Variants in NME9 observed in about 807,000 individuals in gnomAD.
The protein encoded by NME9 is thioredoxin domain-containing protein 6.
Under a neutral mutation model 44.4 loss-of-function variants are expected in NME9, and 48 were observed. The observed-to-expected ratio is 1.08, with a 90% confidence interval of 0.86 to 1.37. The LOEUF is 1.37. NME9 is among the 40% of genes most tolerant of loss of function. NME9 has a pLI of 0.00. For synonymous variants in NME9, 139 were observed against 147.1 expected (o/e 0.94, Z 0.40); for missense variants, 325 against 405.2 (o/e 0.80, Z 1.70).
chr3:138,325,116 A>C (rs1230660744), intron 1 of NME9, among the ~76,000 whole-genome samples, 186 bp from the exon 2 acceptor site: 2 of 152,176 alleles, frequency 1.3e-5, no homozygotes, highest in Non-Finnish European at 2.9e-5. Context: ...AAAAAACACT[A>C]TCCTAAGAAT....
chr3:138,294,993 G>A (rs2051337851), intron 8 of NME9, among the ~76,000 whole-genome samples: 1 of 151,584 alleles, frequency 6.6e-6, no homozygotes, highest in Admixed American at 6.6e-5. Context: ...CCACCCACCA[G>A]GTTCAGGCCA....
chr3:138,329,147 C>T (rs909195380), intron 1 of NME9, among the ~76,000 whole-genome samples, 156 bp downstream of exon 1: 1 of 152,136 alleles, frequency 6.6e-6, no homozygotes, highest in Non-Finnish European at 1.5e-5. Context: ...AAGTTTTGTC[C>T]CTTTAAGACG....
chr3:138,323,569 CCACA>C (rs2053596271), intron 2 of NME9, among the ~76,000 whole-genome samples: 1 of 152,100 alleles, frequency 6.6e-6, no homozygotes, highest in African/African-American at 2.4e-5. Flanking sequence ...AGGGACATGA[CCACA>C]CAGAGGTTCC....
chr3:138,267,188 G>T, intron 8 of NME9: 1 of 1,580,662 alleles, frequency 6.3e-7, no homozygotes, highest in African/African-American at 1.3e-5. Flanking sequence ...AATCCTAGTG[G>T]TAGCATCTTC....
intron 9 of NME9, among the ~76,000 whole-genome samples, chr3:138,304,279 T>G (rs898480045): frequency 6.6e-6 from 1 of 152,208 alleles, no homozygotes; most frequent in Non-Finnish European, 1.5e-5. Flanking sequence ...CAACTGCAGT[T>G]CCTTGGCTTC....
Position 138,329,641 on chromosome 3 carries a change from C to A in NME9, c.-306G>T. 1 of 1,237,188 alleles carries A rather than the reference C, an allele frequency of 8.1e-7. No homozygotes were observed. The highest frequency in any genetic ancestry group is 1.0e-6 in the Non-Finnish European group (1 of 986,964). 76.6% of individuals were successfully genotyped at this position (1,237,188 alleles called of 1,614,324 possible). A position where few individuals can be genotyped will look rare whatever the true frequency, so the allele number is the denominator to read the frequency against. ...CCGGCCAGGGGGCGCGCGCAGAGGC[C>A]GGAGTCAGTGCGCCGGGCGCGGTGC... is the stretch of plus-strand genomic sequence containing the variant. On this transcript the variant is annotated 5_prime_UTR_variant, in exon 1 of 11. Transcript: ENST00000333911.
intron 3 of NME9, among the ~76,000 whole-genome samples, chr3:138,319,220 G>A (rs971557324): frequency 6.6e-6 from 1 of 152,078 alleles, no homozygotes; most frequent in Non-Finnish European, 1.5e-5. Flanking sequence ...ATGCATTTGA[G>A]TGACATATAT....
intron 6 of NME9, among the ~76,000 whole-genome samples, chr3:138,312,830 G>A (rs2052792646): frequency 6.6e-6 from 1 of 152,168 alleles, no homozygotes; most frequent in Admixed American, 6.5e-5. Flanking sequence ...CCCACAGAGT[G>A]GGAGAAAATA....
At chr3:138,299,705 C>T (rs569276549), downstream of NME9, among the ~76,000 whole-genome samples, 18 of 152,276 alleles carry the variant, frequency 1.2e-4, no homozygotes, top group Admixed American at 1.1e-3. Context: ...CACCTAGTGC[C>T]CCACTTTGCT....
At chr3:138,308,527 A>T (rs1009378979) in intron 6 of NME9, among the ~76,000 whole-genome samples, 4 of 152,208 alleles carry the variant, frequency 2.6e-5, no homozygotes, top group African/African-American at 9.7e-5. Context: ...GAACACAGGA[A>T]AGAGGTTGTA....
rs1230920581 is a variant in NME9 at position 138,274,694 on chromosome 3, C to T, written c.746-12108G>A. The T allele has an allele frequency of 1.1e-5, 7 of 628,428 alleles. No individual in the cohort carries two copies. In the East Asian group the frequency reaches 1.4e-4, roughly 12 times the overall value. The allele number at this position is 628,428 out of a possible 1,614,324, so 38.9% of individuals were successfully genotyped here. On this transcript the variant is annotated intron_variant, in intron 8 of 8. Transcript: ENST00000317876. ...TAGGAAGAAATATCTTCCACCATCC[C>T]TTAAACTCTCTTTAAGACTTCTTCC... is the stretch of plus-strand genomic sequence containing the variant.
intron 8 of NME9, among the ~76,000 whole-genome samples, chr3:138,277,743 G>C (rs907203376): frequency 6.6e-6 from 1 of 152,134 alleles, no homozygotes; most frequent in Admixed American, 6.5e-5. Flanking sequence ...TTACAAAGTT[G>C]TACATATACG....
rs1310284587 is a variant in NME9, at chr3:138,301,405, A to G, written c.*235T>C. ...TTTTTAGTAGAGACAGGGTTTCACC[A>G]TGTTGGCTAGGCTGGTGTCAAACTC... On this transcript the variant is annotated 3_prime_UTR_variant, in exon 11 of 11. Coordinates refer to ENST00000333911, the MANE Select transcript of NME9 (RefSeq NM_001349018.2). 1.1e-5 allele frequency: 8 copies of G among 720,200 alleles called. No individual in the cohort carries two copies. The South Asian group carries it at 1.1e-4, about 10-fold the overall frequency. The allele number at this position is 720,200 out of a possible 1,614,324, so 44.6% of individuals were successfully genotyped here.
intron 8 of NME9, among the ~76,000 whole-genome samples, chr3:138,265,660 C>T (rs2048207060): frequency 6.6e-6 from 1 of 152,120 alleles, no homozygotes; most frequent in Non-Finnish European, 1.5e-5. Context: ...AGCAGAATAG[C>T]ATGAGGAGAA....
chr3:138,292,429 G>A (rs2051050716), intron 8 of NME9, among the ~76,000 whole-genome samples: 2 of 152,208 alleles, frequency 1.3e-5, no homozygotes, highest in Non-Finnish European at 2.9e-5. Context: ...CCAGTTAAAG[G>A]CCATTGTAAT....
At chr3:138,315,809 C>T (rs960392884) in intron 4 of NME9, among the ~76,000 whole-genome samples, 166 bp from the exon 5 acceptor site, 3 of 152,082 alleles carry the variant, frequency 2.0e-5, no homozygotes, top group Non-Finnish European at 2.9e-5. Flanking sequence ...ACCCTCAGGT[C>T]TGCTCCTAGG....
At chr3:138,322,382 A>AG (rs1470725635) in intron 2 of NME9, among the ~76,000 whole-genome samples, 1 of 2,134 alleles carries the variant, frequency 4.7e-4, no homozygotes, top group African/African-American at 2.6e-3. Context: ...GGTGGGGGGT[A>AG]GGGGGTGGGA....
intron 10 of NME9, chr3:138,303,234 A>C (rs1467211811): frequency 3.0e-6 from 1 of 328,486 alleles, no homozygotes; most frequent in African/African-American, 2.1e-5. Context: ...GGAAATGCAA[A>C]TAAAGTACTT....
chr3:138,315,714 G>T, intron 4 of NME9, 71 bp from the exon 5 acceptor site: 1 of 1,209,644 alleles, frequency 8.3e-7, no homozygotes, highest in Non-Finnish European at 1.2e-6. Flanking sequence ...TGGCAAGAGT[G>T]TCTAGGAGTG....
Sources: gnomAD v4.1 joint callset for allele counts (sites outside exome capture counted in the v4.1 genomes callset) on GRCh38, gnomAD v4.1.1 for gene constraint, MANE v1.5 for transcripts, NCBI Gene and HGNC (gene_info 2026-07-23, HGNC 2026-07-21) for gene names.